The following HENMT1 variants were observed in gnomAD, a reference collection of about 807,000 sequenced individuals.
HENMT1 encodes HEN methyltransferase 1.
Under a neutral mutation model 31.1 loss-of-function variants are expected in HENMT1, and 27 were observed. That is an observed-to-expected ratio of 0.87 (90% confidence interval 0.64 to 1.20). The LOEUF (loss-of-function observed/expected upper bound fraction) is 1.20. Ranked by LOEUF, HENMT1 falls within the 50% of genes most tolerant of loss-of-function variation. The probability of loss-of-function intolerance (pLI) is 0.00; values close to 1 mark genes in which losing one functional copy is unlikely to be tolerated. For synonymous variants in HENMT1, 167 were observed against 172.2 expected (o/e 0.97, Z 0.24); for missense variants, 438 against 469.6 (o/e 0.93, Z 0.62).
chr1:108,657,446 C>A lies in HENMT1; in HGVS notation c.150+5G>T, dbSNP rs769648050. On this transcript the variant is annotated splice_donor_5th_base_variant and intron_variant, in intron 3 of 7. Transcript: ENST00000651461. ...AATTAAATGTTTGGAAAGAGAAATA[C>A]CTACCTTCTTAGGCTCATGTTGATC... 6.3e-7 allele frequency: 1 copy of A among 1,593,668 alleles called. No homozygotes were observed. The highest frequency in any genetic ancestry group is 2.2e-5 in the East Asian group (1 of 44,724).
intron 3 of HENMT1, 128 bp from the exon 4 acceptor site, chr1:108,655,826 G>T: frequency 1.5e-4 from 49 of 331,264 alleles, no homozygotes; most frequent in Non-Finnish European, 1.9e-4. Flanking sequence ...TTATATGGAA[G>T]GATCTTTTTG....
At chr1:108,658,540 T>A (rs942927209) in intron 2 of HENMT1, among the ~76,000 whole-genome samples, 4 of 152,204 alleles carry the variant, frequency 2.6e-5, no homozygotes, top group African/African-American at 4.8e-5. Context: ...TAGTTGGGCA[T>A]CTGTAGGAAC....
rs374594656 is a variant in HENMT1 at position 108,654,809 on chromosome 1, C to T, written c.305G>A (p.Arg102Gln). The stretch of plus-strand genomic sequence containing the variant: ...CAATGTGATGGTCAAATTCAGATCC[C>T]GAGGTTTCAGAAAATCCCCCAGGAA... ...APFLGDFLKP[R>Q]DLNLTITLYH... is the part of the protein sequence containing the mutation. The change falls in exon 5 of 8, where the codon CGG (arginine) becomes CAG (glutamine). Residue 102 changes from arginine (R) to glutamine (Q), a missense_variant. Arg to Gln is a conservative substitution (Grantham distance 43). Coordinates refer to ENST00000651461, the MANE Select transcript of HENMT1 (RefSeq NM_001102592.2). The T allele has an allele frequency of 5.0e-6, 8 of 1,614,040 alleles. No homozygotes were observed. Among genetic ancestry groups the T allele is most frequent in the Non-Finnish European group, 6.8e-6 (8 of 1,179,936 alleles).
At chr1:108,654,968 C>G in intron 4 of HENMT1, 118 bp from the exon 5 acceptor site, 1 of 1,037,406 alleles carries the variant, frequency 9.6e-7, no homozygotes, top group Non-Finnish European at 1.4e-6. Flanking sequence ...AAGTCTGACA[C>G]AGCCTGTTTT....
At chr1:108,658,743 G>T (rs1658346852) in intron 2 of HENMT1, among the ~76,000 whole-genome samples, 1 of 152,118 alleles carries the variant, frequency 6.6e-6, no homozygotes, top group African/African-American at 2.4e-5. Context: ...ACCCTATCTG[G>T]TCAAATTCTT....
chr1:108,655,000 A>C (rs1247160181), intron 4 of HENMT1, 150 bp from the exon 5 acceptor site: 16 of 778,292 alleles, frequency 2.1e-5, no homozygotes, highest in Non-Finnish European at 3.1e-5. Flanking sequence ...CATATTAAAG[A>C]CCAGGTCATG....
At position 108,648,474 on chromosome 1, in the gene HENMT1, C is replaced by T; in HGVS notation, c.*92G>A. The T allele has an allele frequency of 1.8e-6, 2 of 1,090,884 alleles. No individual in the cohort carries two copies. Among genetic ancestry groups the T allele is most frequent in the South Asian group, 1.6e-5 (1 of 61,644 alleles). 67.6% of individuals were successfully genotyped at this position (1,090,884 alleles called of 1,614,324 possible). ...GACTTTTGCAGTGAAACTTTAAAAA[C>T]ATTACTTGAATTAGGATTACACAAA... On this transcript the variant is annotated 3_prime_UTR_variant, in exon 8 of 8. Transcript: ENST00000651461.
Position 108,655,579 on chromosome 1 carries a change from G to C in HENMT1, c.263+7C>G, listed in dbSNP as rs201985104. 8.2e-6 allele frequency: 12 copies of C among 1,464,360 alleles called. No homozygotes were observed. In the East Asian group the frequency reaches 2.7e-4, roughly 34 times the overall value. The allele number at this position is 1,464,360 out of a possible 1,614,324, so 90.7% of individuals were successfully genotyped here. ...AACGCATAATTCTTTCAGAAACTAA[G>C]TATTACCCTCTCCATCGTAATTTAT... On this transcript the variant is annotated splice_region_variant and intron_variant, in intron 4 of 7. Coordinates refer to ENST00000651461, the MANE Select transcript of HENMT1 (RefSeq NM_001102592.2).
rs370190471 is a variant in HENMT1 at position 108,651,257 on chromosome 1, A to G, written c.399-48T>C. 14 of 1,475,788 alleles carry G rather than the reference A, an allele frequency of 9.5e-6. No individual in the cohort carries two copies. The African/African-American group carries it at 1.8e-4, about 19-fold the overall frequency. 91.4% of individuals were successfully genotyped at this position (1,475,788 alleles called of 1,614,324 possible). On this transcript the variant is annotated intron_variant, in intron 5 of 7. Transcript: ENST00000651461. ...CATAATAAAATCTAGCTTCACTTGC[A>G]CCTATTTTTCTAATTGATTTATCAA...
In HENMT1 at chr1:108,648,560, C is replaced by A. The variant is rs775881833; in HGVS notation, c.*6G>T. 11 of 1,606,086 alleles carry A rather than the reference C, an allele frequency of 6.8e-6. No homozygotes were observed. The highest frequency in any genetic ancestry group is 7.7e-6 in the Non-Finnish European group (9 of 1,173,890). ...AGACCCTGAAATTTCAGGAAATAAA[C>A]ATGGTTCAAAACTCAAACTGTTCAT... On this transcript the variant is annotated 3_prime_UTR_variant, in exon 8 of 8. Transcript: ENST00000651461.
chr1:108,660,798 C>G (rs1251245313), intron 1 of HENMT1, among the ~76,000 whole-genome samples, 165 bp downstream of exon 1: 7 of 151,044 alleles, frequency 4.6e-5, no homozygotes, highest in African/African-American at 1.7e-4. Context: ...GTGGCGGGCG[C>G]CTGTAGTCCC....
intron 5 of HENMT1, among the ~76,000 whole-genome samples, chr1:108,653,777 G>A (rs932293301): frequency 1.3e-5 from 2 of 151,948 alleles, no homozygotes; most frequent in Admixed American, 1.3e-4. Flanking sequence ...GGGTTTTTTT[G>A]CTGTTGAGAT....
chr1:108,650,945 G>C, intron 6 of HENMT1, 85 bp downstream of exon 6: 3 of 887,406 alleles, frequency 3.4e-6, no homozygotes, highest in Non-Finnish European at 5.3e-6. Flanking sequence ...AAACAATTTA[G>C]GTAATGTATG....
chr1:108,651,124 T>A lies in HENMT1; in HGVS notation c.484A>T (p.Thr162Ser), dbSNP rs1432841924. The part of the protein sequence containing the change: ...YLSPSMIVIS[T>S]PNSEFNPLFP... ...AGGGGATTGAATTCAGAGTTTGGTG[T>A]GCTGATGACAATCATGGATGGAGAC... The change falls in exon 6 of 8, where the codon ACA becomes TCA. Residue 162 changes from threonine to serine, a missense_variant. Coordinates refer to ENST00000651461, the MANE Select transcript of HENMT1 (RefSeq NM_001102592.2). 1 of 1,613,790 alleles carries A rather than the reference T, an allele frequency of 6.2e-7. No homozygotes were observed. The highest frequency in any genetic ancestry group is 8.5e-7 in the Non-Finnish European group (1 of 1,179,804).
upstream of HENMT1, chr1:108,661,443 G>A (rs1181024730): frequency 6.6e-6 from 1 of 152,330 alleles, no homozygotes; most frequent in East Asian, 1.9e-4. Context: ...AACTCCGAGC[G>A]CGTCCGCAGA....
In HENMT1 at chr1:108,648,907, T is replaced by C. The variant is rs1310809713; in HGVS notation, c.841A>G (p.Ser281Gly). The C allele has an allele frequency of 6.2e-7, 1 of 1,614,056 alleles. No homozygotes were observed. The highest frequency in any genetic ancestry group is 1.1e-5 in the South Asian group (1 of 91,068). The part of the protein sequence containing the change: ...LVNEVSQQVE[S>G]LRVSHLPRRK... ...CTTGGCAGGTGGCTCACTCTTAAGC[T>C]TTCCACTTGTTGGGACACCTCATTA... is the stretch of plus-strand genomic sequence containing the variant. Residue 281 changes from serine (S) to glycine (G), a missense_variant, in exon 8 of 8, where the codon AGC (serine) becomes GGC (glycine). Ser to Gly is a moderately conservative substitution (Grantham distance 56). Transcript: ENST00000651461.
At chr1:108,652,426 G>A (rs370189402) in intron 5 of HENMT1, among the ~76,000 whole-genome samples, 1 of 152,148 alleles carries the variant, frequency 6.6e-6, no homozygotes, top group Admixed American at 6.5e-5. Flanking sequence ...ACAGTAAATA[G>A]GATCAAATAT....
At chr1:108,660,731 C>T (rs1386216527) in intron 1 of HENMT1, among the ~76,000 whole-genome samples, 1 of 151,608 alleles carries the variant, frequency 6.6e-6, no homozygotes, top group Non-Finnish European at 1.5e-5. Flanking sequence ...GAGACCATCC[C>T]GGCTAAAACG....
At chr1:108,660,904 A>G in intron 1 of HENMT1, 59 bp downstream of exon 1, 1 of 833,314 alleles carries the variant, frequency 1.2e-6, no homozygotes, top group Non-Finnish European at 1.4e-6. Context: ...AGCCTGGGCG[A>G]CAGAGCGAGA....
Sources: allele counts gnomAD v4.1 joint callset (sites outside exome capture counted in the v4.1 genomes callset), GRCh38; gene constraint gnomAD v4.1.1; transcripts MANE v1.5; gene names NCBI Gene and HGNC (gene_info 2026-07-23, HGNC 2026-07-21).